The following DEPTOR variants were observed in gnomAD, a reference collection of about 807,000 sequenced individuals.
DEPTOR encodes the protein DEP domain containing MTOR interacting protein.
A neutral mutation model predicts 41.6 loss-of-function variants in DEPTOR; 41 were observed. That is an observed-to-expected ratio of 0.98 (90% CI 0.77 to 1.28). The LOEUF (loss-of-function observed/expected upper bound fraction) is 1.28, where lower values mean the gene tolerates loss of function less well. DEPTOR is among the 50% of genes most tolerant of loss of function. The pLI is 0.00. For synonymous variants in DEPTOR, 195 were observed against 192.3 expected (o/e 1.01, Z -0.12); for missense variants, 514 against 527.9 (o/e 0.97, Z 0.26).
At chr8:119,892,187 C>A (rs10107361) in intron 1 of DEPTOR, among the ~76,000 whole-genome samples, 1 of 151,856 alleles carries the variant, frequency 6.6e-6, no homozygotes, top group Non-Finnish European at 1.5e-5. Flanking sequence ...TCAGTAGAGA[C>A]GGGGTTTTGC....
At chr8:119,918,817 C>T (rs1333495289) in intron 1 of DEPTOR, among the ~76,000 whole-genome samples, 2 of 152,062 alleles carry the variant, frequency 1.3e-5, no homozygotes, top group African/African-American at 2.4e-5. Flanking sequence ...TGGTCTCGAA[C>T]TCCCAACCTC....
At position 120,049,691 on chromosome 8, in the gene DEPTOR, A is replaced by C; in HGVS notation, c.1217A>C (p.Glu406Ala). ...ACGATTGTCATGGAAGTCATGGAGG[A>C]GTTAGAGTGCTGAGCTCCTGGGCCT... Reference protein sequence around the residue: ...PRTIVMEVMEELEC With the variant: ...PRTIVMEVMEALEC The change falls in exon 9 of 9, where the codon GAG (glutamate) becomes GCG (alanine). Residue 406 changes from glutamate (E) to alanine (A), a missense_variant. Coordinates refer to ENST00000286234, the MANE Select transcript of DEPTOR (RefSeq NM_022783.4). 6.2e-7 allele frequency: 1 copy of C among 1,613,832 alleles called. No individual in the cohort carries two copies. Among genetic ancestry groups the C allele is most frequent in the Non-Finnish European group, 8.5e-7 (1 of 1,179,854 alleles).
chr8:119,999,976 A>G lies in DEPTOR; in HGVS notation c.605-1549A>G, dbSNP rs147398896. Among the ~76,000 whole-genome samples, 336 of 152,322 alleles carry G rather than the reference A, an allele frequency of 2.2e-3. 3 individuals carry two copies. The highest frequency in any genetic ancestry group is 7.8e-3 in the African/African-American group (326 of 41,578). ...CTCACACACACAAATCAGTGCATGT[A>G]AAAGCTGGTGACATCTGAATAAGGG... On this transcript the variant is annotated intron_variant, in intron 4 of 8. Coordinates refer to ENST00000286234, the MANE Select transcript of DEPTOR (RefSeq NM_022783.4).
intron 8 of DEPTOR, among the ~76,000 whole-genome samples, chr8:120,039,185 C>T (rs905644361): frequency 1.3e-5 from 2 of 152,142 alleles, no homozygotes; most frequent in African/African-American, 4.8e-5. Flanking sequence ...GAAAGAGATT[C>T]CTTGCCCCTT....
At chr8:120,049,551 C>G in intron 8 of DEPTOR, 25 bp from the exon 9 acceptor site, 1 of 1,610,452 alleles carries the variant, frequency 6.2e-7, no homozygotes, top group Non-Finnish European at 8.5e-7. Flanking sequence ...ATAATAGATG[C>G]TCTTTCTTTG....
chr8:120,030,091 C>A (rs1812861826), intron 8 of DEPTOR, among the ~76,000 whole-genome samples: 2 of 152,108 alleles, frequency 1.3e-5, no homozygotes, highest in African/African-American at 4.8e-5. Flanking sequence ...CAGGACCAGG[C>A]ACAAACCATA....
intron 1 of DEPTOR, among the ~76,000 whole-genome samples, chr8:119,893,460 C>T (rs1310289409): frequency 5.3e-5 from 8 of 152,154 alleles, no homozygotes; most frequent in Non-Finnish European, 1.0e-4. Flanking sequence ...TCCTGTCTAT[C>T]TGTAGTCTAT....
At chr8:119,914,877 C>G (rs1048509627) in intron 1 of DEPTOR, among the ~76,000 whole-genome samples, 1 of 152,242 alleles carries the variant, frequency 6.6e-6, no homozygotes, top group South Asian at 2.1e-4. Context: ...AGAATTACTG[C>G]TCTCACCTTC....
intron 8 of DEPTOR, among the ~76,000 whole-genome samples, chr8:120,048,656 C>T (rs971501837): frequency 1.3e-5 from 2 of 152,072 alleles, no homozygotes; most frequent in African/African-American, 4.8e-5. Context: ...TGCCCGCTTT[C>T]CATTTTGTTT....
At chr8:119,964,666 C>T (rs1047467783) in intron 3 of DEPTOR, among the ~76,000 whole-genome samples, 2 of 151,974 alleles carry the variant, frequency 1.3e-5, no homozygotes, top group Non-Finnish European at 2.9e-5. Flanking sequence ...GAAATTGTAA[C>T]CTCTTTTCAA....
intron 3 of DEPTOR, among the ~76,000 whole-genome samples, chr8:119,955,292 T>G (rs959384191): frequency 6.6e-6 from 1 of 152,224 alleles, no homozygotes; most frequent in Non-Finnish European, 1.5e-5. Context: ...TTTGAAATAG[T>G]CCAATTTGTC....
chr8:119,927,282 G>C (rs372204492), intron 1 of DEPTOR, among the ~76,000 whole-genome samples: 1 of 152,148 alleles, frequency 6.6e-6, no homozygotes, highest in East Asian at 1.9e-4. Flanking sequence ...TCAGCTCGAG[G>C]GTGTATTGGG....
chr8:120,042,746 C>T (rs1165180421), intron 8 of DEPTOR, among the ~76,000 whole-genome samples: 2 of 151,838 alleles, frequency 1.3e-5, no homozygotes, highest in Non-Finnish European at 2.9e-5. Flanking sequence ...TCTCGAACTC[C>T]TGACCTCAGA....
chr8:119,898,592 C>T (rs555684415), intron 1 of DEPTOR, among the ~76,000 whole-genome samples: 2 of 152,076 alleles, frequency 1.3e-5, no homozygotes, highest in South Asian at 2.1e-4. Flanking sequence ...GGCATGGTGG[C>T]ATGTGCCTGT....
chr8:119,985,451 G>A (rs1828816797), intron 4 of DEPTOR, among the ~76,000 whole-genome samples: 1 of 152,012 alleles, frequency 6.6e-6, no homozygotes, highest in Non-Finnish European at 1.5e-5. Flanking sequence ...CTAGATATTA[G>A]CCCTTTGTCA....
At chr8:119,970,108 G>GATATAT (rs57528009) in intron 4 of DEPTOR, among the ~76,000 whole-genome samples, 12 of 151,582 alleles carry the variant, frequency 7.9e-5, no homozygotes, top group African/African-American at 1.7e-4. Context: ...TATTTATGTG[G>GATATAT]ATATATATAT....
chr8:119,988,969 T>TTC (rs1828865631), intron 4 of DEPTOR, among the ~76,000 whole-genome samples: 1 of 144,194 alleles, frequency 6.9e-6, no homozygotes, highest in South Asian at 2.3e-4. Context: ...TTTTTTTTTT[T>TTC]TTTTTTTTTT....
At chr8:119,978,283 C>T (rs1188214902) in intron 4 of DEPTOR, among the ~76,000 whole-genome samples, 2 of 152,126 alleles carry the variant, frequency 1.3e-5, no homozygotes, top group African/African-American at 4.8e-5. Flanking sequence ...CTTATCTGGT[C>T]ATTTAAATCC....
rs1009674696 is a variant in DEPTOR, at chr8:120,009,206, A to C, written c.1101+73A>C. On this transcript the variant is annotated intron_variant, in intron 8 of 8. Coordinates refer to ENST00000286234, the MANE Select transcript of DEPTOR (RefSeq NM_022783.4). ...TCATGCTAAATTGGCCATGATTCTT[A>C]CTAGGGATCCAAACCCATCTTATTT... The C allele has an allele frequency of 3.8e-6, 5 of 1,324,506 alleles. No homozygotes were observed. The African/African-American group carries it at 7.3e-5, about 19-fold the overall frequency. The allele number at this position is 1,324,506 out of a possible 1,614,324, so 82.0% of individuals were successfully genotyped here. A position where few individuals can be genotyped will look rare whatever the true frequency, so the allele number is the denominator to read the frequency against.
Sources: allele counts gnomAD v4.1 joint callset (sites outside exome capture counted in the v4.1 genomes callset), GRCh38; gene constraint gnomAD v4.1.1; transcripts MANE v1.5; gene names NCBI Gene and HGNC (gene_info 2026-07-23, HGNC 2026-07-21).